Variants in UNC13D observed in about 807,000 individuals in gnomAD.
UNC13D encodes unc-13 homolog D, also known as protein unc-13 homolog D.
In UNC13D, 115 loss-of-function variants were observed where a neutral mutation model predicts 151.7. The observed-to-expected ratio is 0.76, with a 90% confidence interval of 0.65 to 0.88. The LOEUF is 0.88. Among genes scored for constraint, UNC13D ranks in the 40% least tolerant of loss-of-function variants. The pLI, the probability that UNC13D is intolerant of heterozygous loss-of-function variation, is 0.00. For synonymous variants in UNC13D, 588 were observed against 612.2 expected (o/e 0.96, Z 0.58); for missense variants, 1,369 against 1,438.7 (o/e 0.95, Z 0.78).
chr17:75,836,293 C>T (rs370727201), intron 15 of UNC13D, 37 bp from the exon 16 acceptor site: 133 of 1,613,126 alleles, frequency 8.2e-5, no homozygotes, highest in Admixed American at 1.0e-4. Context: ...GAGGGACTGC[C>T]AGGCCCAGGC....
chr17:75,833,629 A>G lies in UNC13D; in HGVS notation c.2367+446T>C, dbSNP rs2064887340. Among the ~76,000 whole-genome samples the G allele has an allele frequency of 6.6e-6, 1 of 152,156 alleles. No homozygotes were observed. Among genetic ancestry groups the G allele is most frequent in the South Asian group, 2.1e-4 (1 of 4,830 alleles). Reference sequence around the variant, plus strand: ...TCCAGGAAAGCAGGTATTTTGTCATATTGTTCACTGACCTATCCCCAGTGC... The same window carrying G: ...TCCAGGAAAGCAGGTATTTTGTCATGTTGTTCACTGACCTATCCCCAGTGC... On this transcript the variant is annotated intron_variant, in intron 24 of 31. Transcript: ENST00000207549. The surrounding 1 kb of genome is among the most constrained non-coding windows in gnomAD (Gnocchi z 4.0).
Position 75,843,053 on chromosome 17 carries a change from C to A in UNC13D, c.282G>T (p.Glu94Asp), listed in dbSNP as rs2064960363. 1 of 1,607,946 alleles carries A rather than the reference C, an allele frequency of 6.2e-7. No individual in the cohort carries two copies. Among genetic ancestry groups the A allele is most frequent in the Admixed American group, 1.7e-5 (1 of 59,900 alleles). Residue 94 changes from glutamate (E) to aspartate (D), a missense_variant, in exon 4 of 32, where the codon GAG (glutamate) becomes GAT (aspartate). This residue lies in a region of UNC13D where 550 missense variants were observed against 609.0 expected (regional missense o/e 0.90). Coordinates refer to ENST00000207549, the MANE Select transcript of UNC13D (RefSeq NM_199242.3). ...CCCGCTGCAGTGTCTGCTGGTGCTCCTCGGGCTCCACGTGGAAGGCCTGGT... is the reference window on the plus strand; with the variant it reads ...CCCGCTGCAGTGTCTGCTGGTGCTCATCGGGCTCCACGTGGAAGGCCTGGT... The part of the protein sequence containing the change: ...YLQEAFHVEP[E>D]EHQQTLQRVR...
In UNC13D at chr17:75,834,635, C is replaced by T. The variant is rs2143875873; in HGVS notation, c.2074G>A (p.Gly692Ser). Residue 692 changes from glycine to serine, a missense_variant, in exon 22 of 32, where the codon GGC becomes AGC. By Grantham distance (56) the Gly-to-Ser change is moderately conservative. Coordinates refer to ENST00000207549, the MANE Select transcript of UNC13D (RefSeq NM_199242.3). Reference sequence around the variant, plus strand: ...GGCCTTACCATGTTGGCTGCCTGGCCTTGGTCCTTCTGGCCTGAAGAGAGC... The same window carrying T: ...GGCCTTACCATGTTGGCTGCCTGGCTTTGGTCCTTCTGGCCTGAAGAGAGC... Reference protein sequence around the residue: ...RELSSGQKDQGQAANMLCVVV... With the variant: ...RELSSGQKDQSQAANMLCVVV... 6.2e-7 allele frequency: 1 copy of T among 1,613,850 alleles called. No individual in the cohort carries two copies. The highest frequency in any genetic ancestry group is 8.5e-7 in the Non-Finnish European group (1 of 1,180,026).
At position 75,827,236 on chromosome 17, in the gene UNC13D, C is replaced by T. The variant is rs980892409; in HGVS notation, c.*729G>A. ...AGGCCAAAGGCATATTTTAAGAGGA[C>T]AATGGATTTGTTTTTATTAATTTTT... On this transcript the variant is annotated 3_prime_UTR_variant, in exon 32 of 32. Coordinates refer to ENST00000207549, the MANE Select transcript of UNC13D (RefSeq NM_199242.3). 17 of 392,968 alleles carry T rather than the reference C, an allele frequency of 4.3e-5. No homozygotes were observed. Among genetic ancestry groups the T allele is most frequent in the African/African-American group, 3.3e-4 (16 of 48,882 alleles). 24.3% of individuals were successfully genotyped at this position (392,968 alleles called of 1,614,324 possible).
Position 75,840,664 on chromosome 17 carries a change from C to T in UNC13D, c.684-88G>A. The T allele has an allele frequency of 1.2e-6, 2 of 1,610,980 alleles. No homozygotes were observed. The highest frequency in any genetic ancestry group is 2.2e-5 in the East Asian group (1 of 44,860). On this transcript the variant is annotated intron_variant, in intron 8 of 31. Transcript: ENST00000207549. The surrounding 1 kb of genome is among the most constrained non-coding windows in gnomAD (Gnocchi z 4.6). ...CCACCCCCGGCCGCAGCCACCTGGA[C>T]CCCAAAGGAGCCTGCACCCCAGCAT...
rs1298979543 is a variant in UNC13D, at chr17:75,842,879, G to A, written c.366C>T (p.Gly122=). The A allele has an allele frequency of 3.1e-6, 5 of 1,613,644 alleles. 1 individual carries two copies. The South Asian group carries it at 5.5e-5, about 18-fold the overall frequency. The change falls in exon 5 of 32, where the codon GGC becomes GGT. Residue 122 remains glycine, a synonymous_variant. Transcript: ENST00000207549. ...CACCACTGACATCTTTGCCCAGAAT[G>A]CCCTTGGCCTGTTTCACTGTTGCCT... is the stretch of plus-strand genomic sequence containing the variant. ...CLKATVKQAK[G]ILGKDVSGFS...
In UNC13D at chr17:75,840,338, C is replaced by G; in HGVS notation, c.754-9G>C. The G allele has an allele frequency of 6.2e-7, 1 of 1,613,080 alleles. No homozygotes were observed. The highest frequency in any genetic ancestry group is 8.5e-7 in the Non-Finnish European group (1 of 1,179,786). ...TCTCGGCAGCGCAGGTCCTGACAGGCGGGGATGCCCAGCCCGTGAGCGTCA... is the reference window on the plus strand; with the variant it reads ...TCTCGGCAGCGCAGGTCCTGACAGGGGGGGATGCCCAGCCCGTGAGCGTCA... On this transcript the variant is annotated splice_polypyrimidine_tract_variant and intron_variant, in intron 9 of 31. Transcript: ENST00000207549. This position sits in a 1 kb window ranked among gnomAD's most constrained non-coding sequence, Gnocchi z 4.6.
Position 75,835,311 on chromosome 17 carries a change from G to A in UNC13D, c.1848+98C>T, listed in dbSNP as rs536125767. ...AGTGCACCCAAAAGGGATGTTCAGA[G>A]CGGGTTACTGGCTTTTACTACGCTT... On this transcript the variant is annotated intron_variant, in intron 20 of 31. Transcript: ENST00000207549. 8 of 1,493,794 alleles carry A rather than the reference G, an allele frequency of 5.4e-6. No individual in the cohort carries two copies. The African/African-American group carries it at 6.9e-5, about 13-fold the overall frequency. The allele number at this position is 1,493,794 out of a possible 1,614,324, so 92.5% of individuals were successfully genotyped here. A position where few individuals can be genotyped will look rare whatever the true frequency, so the allele number is the denominator to read the frequency against.
At chr17:75,829,936 G>T (rs958601301) in intron 30 of UNC13D, 92 bp downstream of exon 30, 19 of 1,543,068 alleles carry the variant, frequency 1.2e-5, no homozygotes, top group Non-Finnish European at 1.6e-5. Flanking sequence ...TCTCAGGGGA[G>T]CCCCTTGGCC....
rs531294648 is a variant in UNC13D at position 75,833,569 on chromosome 17, A to G, written c.2367+506T>C. On this transcript the variant is annotated intron_variant, in intron 24 of 31. Transcript: ENST00000207549. The surrounding 1 kb of genome is among the most constrained non-coding windows in gnomAD (Gnocchi z 4.0). Reference sequence around the variant, plus strand: ...CTATAGTTATGGATACTCACTATGTAGCTCTTTTTTCACCTCCACTACTAG... The same window carrying G: ...CTATAGTTATGGATACTCACTATGTGGCTCTTTTTTCACCTCCACTACTAG... Among the ~76,000 whole-genome samples the G allele has an allele frequency of 6.6e-6, 1 of 152,346 alleles. No individual in the cohort carries two copies. The highest frequency in any genetic ancestry group is 2.1e-4 in the South Asian group (1 of 4,828).
rs145293891 is a variant in UNC13D at position 75,843,501 on chromosome 17, G to T, written c.136C>A (p.His46Asn). 1.5e-5 allele frequency: 24 copies of T among 1,611,392 alleles called. No individual in the cohort carries two copies. The African/African-American group carries it at 2.7e-4, about 18-fold the overall frequency. ...ACTCTTACCTGCTCGGGGGAGAAGT[G>T]GTGGGATGGAGGCTGGATCTGCAGA... is the stretch of plus-strand genomic sequence containing the variant. The part of the protein sequence containing the change: ...MAPEIQPPSH[H>N]FSPEQRALLY... Residue 46 changes from histidine to asparagine, a missense_variant, in exon 2 of 32, where the codon CAC becomes AAC. This residue lies in a region of UNC13D where 550 missense variants were observed against 609.0 expected (regional missense o/e 0.90). Transcript: ENST00000207549.
rs377281943 is a variant in UNC13D, at chr17:75,830,088, G to T, written c.2894C>A (p.Ala965Asp). Residue 965 changes from alanine to aspartate, a missense_variant, in exon 30 of 32, where the codon GCC becomes GAC. By Grantham distance (126) the Ala-to-Asp change is moderately radical. This residue lies in a region of UNC13D where 807 missense variants were observed against 795.5 expected (regional missense o/e 1.01). Transcript: ENST00000207549. ...EPRHEFPELA[A>D]RETQKHKKDL... is the part of the protein sequence containing the mutation. ...CTTCTTGTGCTTCTGGGTCTCCCGGGCGGCCAGCTCAGGGAACTCATGCCT... is the reference window on the plus strand; with the variant it reads ...CTTCTTGTGCTTCTGGGTCTCCCGGTCGGCCAGCTCAGGGAACTCATGCCT... 7 of 1,580,558 alleles carry T rather than the reference G, an allele frequency of 4.4e-6. No individual in the cohort carries two copies. The highest frequency in any genetic ancestry group is 6.0e-6 in the Non-Finnish European group (7 of 1,163,398).
intron 2 of UNC13D, 47 bp from the exon 3 acceptor site, chr17:75,843,313 C>A (rs1002054677): frequency 6.3e-7 from 1 of 1,599,078 alleles, no homozygotes; most frequent in Non-Finnish European, 8.5e-7. Context: ...CCACCCCTGG[C>A]ACCAACACCT....
Position 75,831,345 on chromosome 17 carries a change from G to A in UNC13D, c.2451C>T (p.Leu817=). Residue 817 remains leucine, a synonymous_variant, in exon 26 of 32, where the codon CTC becomes CTT. Transcript: ENST00000207549. ...GTGTGTGGGTCCAGAGCAGGGTCAG[G>A]AGGCTGGGGCGGGGCCGGAGGGATG... ...TNLVQENFSS[L]LTLLWTHTLT... The A allele has an allele frequency of 6.3e-7, 1 of 1,596,944 alleles. No individual in the cohort carries two copies. Among genetic ancestry groups the A allele is most frequent in the Non-Finnish European group, 8.5e-7 (1 of 1,179,614 alleles).
At chr17:75,843,614 G>A (rs754370484) in intron 1 of UNC13D, 95 bp from the exon 2 acceptor site, 2 of 1,554,732 alleles carry the variant, frequency 1.3e-6, no homozygotes, top group South Asian at 1.2e-5. Context: ...CAGGCCAAGG[G>A]TATGGGGGCC....
Position 75,840,938 on chromosome 17 carries a change from G to C in UNC13D, c.614+19C>G. On this transcript the variant is annotated intron_variant, in intron 7 of 31. Transcript: ENST00000207549. This position sits in a 1 kb window ranked among gnomAD's most constrained non-coding sequence, Gnocchi z 4.6. ...GATCCCTTCCCTTCCCATCCCTAGG[G>C]GCAGGCCAGGTCACTCACCACATGT... 6.2e-7 allele frequency: 1 copy of C among 1,614,040 alleles called. No individual in the cohort carries two copies. Among genetic ancestry groups the C allele is most frequent in the Non-Finnish European group, 8.5e-7 (1 of 1,180,024 alleles).
rs545082974 is a variant in UNC13D at position 75,833,320 on chromosome 17, G to A, written c.2368-275C>T. 2 of 330,738 alleles carry A rather than the reference G, an allele frequency of 6.0e-6. No homozygotes were observed. The highest frequency in any genetic ancestry group is 4.1e-5 in the South Asian group (1 of 24,492). The allele number at this position is 330,738 out of a possible 1,614,324, so 20.5% of individuals were successfully genotyped here. ...CCTTGCCGTTCCCTCTGCCTGGAAT[G>A]CTCCTCCCCTAGAACTTCTCATGCC... is the stretch of plus-strand genomic sequence containing the variant. On this transcript the variant is annotated intron_variant, in intron 24 of 31. Coordinates refer to ENST00000207549, the MANE Select transcript of UNC13D (RefSeq NM_199242.3). The surrounding 1 kb of genome is among the most constrained non-coding windows in gnomAD (Gnocchi z 4.0).
chr17:75,836,644 AG>A lies in UNC13D; in HGVS notation c.1225del (p.Leu409SerfsTer33), dbSNP rs1173785303. 6.2e-7 allele frequency: 1 copy of A among 1,613,658 alleles called. No individual in the cohort carries two copies. The highest frequency in any genetic ancestry group is 8.5e-7 in the Non-Finnish European group (1 of 1,180,036). ...GAAGACAGAGCGGAACCTCCGGATG[AG>A]GGAGAGGCCGTAGGTCAGCAGGGAG... is the stretch of plus-strand genomic sequence containing the variant. ...FSSLLTYGLSLIRRFRSVFPL... is the reference protein window; with the variant it reads ...FSSLLTYGLSXIRRFRSVFPL... On this transcript the variant is annotated frameshift_variant, in exon 14 of 32. Coordinates refer to ENST00000207549, the MANE Select transcript of UNC13D (RefSeq NM_199242.3). LOFTEE classifies it high-confidence loss of function.
At position 75,828,707 on chromosome 17, in the gene UNC13D, T is replaced by C. The variant is rs539119297; in HGVS notation, c.3151+80A>G. 531 of 1,390,422 alleles carry C rather than the reference T, an allele frequency of 3.8e-4. 4 individuals are homozygous for C. The African/African-American group carries it at 6.8e-3, about 18-fold the overall frequency. 86.1% of individuals were successfully genotyped at this position (1,390,422 alleles called of 1,614,324 possible). A position where few individuals can be genotyped will look rare whatever the true frequency, so the allele number is the denominator to read the frequency against. The stretch of plus-strand genomic sequence containing the variant: ...CTCCAGGGAAGCTGTTCTCCGACCC[T>C]GGCATCACCTCTCTGGGGCCCCTGC... On this transcript the variant is annotated intron_variant, in intron 31 of 31. Coordinates refer to ENST00000207549, the MANE Select transcript of UNC13D (RefSeq NM_199242.3).
Sources: allele counts gnomAD v4.1 joint callset (sites outside exome capture counted in the v4.1 genomes callset), GRCh38; gene constraint gnomAD v4.1.1; regional missense constraint gnomAD v4.1.1; non-coding constraint Gnocchi (gnomAD v3.1); transcripts MANE v1.5; gene names NCBI Gene and HGNC (gene_info 2026-07-23, HGNC 2026-07-21).